PSMD11: variants seen among roughly 807,000 people sequenced by gnomAD.
The protein encoded by PSMD11 is proteasome 26S subunit, non-ATPase 11.
PSMD11 carries 5 observed loss-of-function variants against 62.3 expected under a neutral mutation model. The ratio of observed to expected loss-of-function variants is 0.08; its 90% CI spans 0.04 to 0.17. The LOEUF (loss-of-function observed/expected upper bound fraction) is 0.17. Ranked by LOEUF, PSMD11 falls within the 10% of genes least tolerant of loss-of-function variation. The probability of loss-of-function intolerance (pLI) is 1.00; values close to 1 mark genes in which losing one functional copy is unlikely to be tolerated. For synonymous variants in PSMD11, 191 were observed against 191.8 expected (o/e 1.00, Z 0.03); for missense variants, 310 against 512.9 (o/e 0.60, Z 3.82).
intron 10 of PSMD11, 84 bp from the exon 11 acceptor site, chr17:32,479,767 A>C: frequency 6.8e-7 from 1 of 1,462,110 alleles, no homozygotes; most frequent in Admixed American, 1.7e-5. Flanking sequence ...GAAATACAGC[A>C]GTTCTCCCCC....
chr17:32,475,772 G>A (rs887667637), intron 8 of PSMD11, among the ~76,000 whole-genome samples: 2 of 151,638 alleles, frequency 1.3e-5, no homozygotes, highest in South Asian at 4.2e-4. Context: ...CTAATTTTTT[G>A]TAGTAGAGAC....
At chr17:32,475,082 A>C (rs945582770) in intron 8 of PSMD11, among the ~76,000 whole-genome samples, 2 of 152,144 alleles carry the variant, frequency 1.3e-5, no homozygotes, top group Non-Finnish European at 2.9e-5. Context: ...ATTTGCAGTG[A>C]GTTAGTTTGC....
chr17:32,456,004 T>C (rs1464221892), intron 3 of PSMD11, among the ~76,000 whole-genome samples: 1 of 151,090 alleles, frequency 6.6e-6, no homozygotes, highest in African/African-American at 2.4e-5. Flanking sequence ...ATTAGCCAGG[T>C]GTGGTGGTGG....
chr17:32,478,289 G>A (rs1026753504), intron 9 of PSMD11, among the ~76,000 whole-genome samples: 12 of 152,230 alleles, frequency 7.9e-5, no homozygotes, highest in Non-Finnish European at 1.6e-4. Context: ...ACTAGACCAT[G>A]TGGCTTTGAC....
chr17:32,464,173 G>A, intron 4 of PSMD11, 53 bp downstream of exon 4: 1 of 1,487,402 alleles, frequency 6.7e-7, no homozygotes, highest in Non-Finnish European at 9.4e-7. Flanking sequence ...GACAGAGGGT[G>A]AATGTAAGCA....
intron 4 of PSMD11, 23 bp downstream of exon 4, chr17:32,464,143 T>C (rs766631271): frequency 1.9e-6 from 3 of 1,590,786 alleles, no homozygotes; most frequent in Middle Eastern, 1.7e-4. Flanking sequence ...TTAGTACTCA[T>C]TTCAGGTCTC....
At chr17:32,469,294 T>C (rs1179069463) in intron 6 of PSMD11, 101 bp downstream of exon 6, 1 of 1,280,960 alleles carries the variant, frequency 7.8e-7, no homozygotes, top group Non-Finnish European at 1.1e-6. Context: ...AATTGGCTGA[T>C]TTGGCTCTAG....
chr17:32,467,113 T>C (rs1047118230), intron 5 of PSMD11, among the ~76,000 whole-genome samples: 4 of 151,408 alleles, frequency 2.6e-5, no homozygotes, highest in African/African-American at 4.9e-5. Context: ...CTCGGCTAAT[T>C]TTTGTATTCT....
chr17:32,444,568 A>G lies in PSMD11; in HGVS notation c.45A>G (p.Leu15=). Residue 15 remains leucine, a synonymous_variant, in exon 1 of 14, where the codon CTA becomes CTG. Transcript: ENST00000261712. ...TGGAGTTCCAGAGAGCCCAGTCTCTACTCAGCACCGACCGGGAGGCCTCCA... is the reference window on the plus strand; with the variant it reads ...TGGAGTTCCAGAGAGCCCAGTCTCTGCTCAGCACCGACCGGGAGGCCTCCA... ...AVVEFQRAQS[L]LSTDREASID... 1 of 1,611,562 alleles carries G rather than the reference A, an allele frequency of 6.2e-7. No homozygotes were observed. Among genetic ancestry groups the G allele is most frequent in the Non-Finnish European group, 8.5e-7 (1 of 1,179,222 alleles).
rs1460493246 is a variant in PSMD11, at chr17:32,451,847, T to C, written c.194-2648T>C. ...TCGACCTCCTGGGCTCAAGCAGTGCTCTTGCCTCAGCCCGCCAAGTAACTG... is the reference window on the plus strand; with the variant it reads ...TCGACCTCCTGGGCTCAAGCAGTGCCCTTGCCTCAGCCCGCCAAGTAACTG... On this transcript the variant is annotated intron_variant, in intron 2 of 13. Transcript: ENST00000261712. Among the ~76,000 whole-genome samples, 8 of 152,110 alleles carry C rather than the reference T, an allele frequency of 5.3e-5. No homozygotes were observed. The East Asian group carries it at 1.5e-3, about 29-fold the overall frequency.
At chr17:32,477,784 A>C in intron 9 of PSMD11, 1 of 380,318 alleles carries the variant, frequency 2.6e-6, no homozygotes, top group Non-Finnish European at 4.6e-6. Flanking sequence ...TATAAAATAT[A>C]TATTATTTAT....
chr17:32,480,122 T>A, intron 11 of PSMD11, 24 bp from the exon 12 acceptor site: 1 of 1,610,884 alleles, frequency 6.2e-7, no homozygotes, highest in Non-Finnish European at 8.5e-7. Flanking sequence ...TACTGGTCCC[T>A]TTAATCATGT....
chr17:32,459,122 A>ATATATATG (rs1907740905), intron 3 of PSMD11, among the ~76,000 whole-genome samples: 1 of 141,452 alleles, frequency 7.1e-6, no homozygotes, highest in Admixed American at 7.0e-5. Context: ...ATACATATAT[A>ATATATATG]TATATATATA....
In PSMD11 at chr17:32,482,319, A is replaced by G. The variant is rs1346847553; in HGVS notation, c.*1567A>G. 1 of 152,072 alleles carries G rather than the reference A, an allele frequency of 6.6e-6. No homozygotes were observed. Among genetic ancestry groups the G allele is most frequent in the Non-Finnish European group, 1.5e-5 (1 of 68,016 alleles). 9.4% of individuals were successfully genotyped at this position (152,072 alleles called of 1,614,324 possible). A position where few individuals can be genotyped will look rare whatever the true frequency, so the allele number is the denominator to read the frequency against. ...ATGTACAAACGGTTCTTGCTAACCA[A>G]CACCAGGTATATCTGATGTTCAGAT... On this transcript the variant is annotated 3_prime_UTR_variant, in exon 14 of 14. Transcript: ENST00000261712.
rs1055698938 is a variant in PSMD11 at position 32,481,750 on chromosome 17, T to C, written c.*998T>C. The C allele has an allele frequency of 1.3e-5, 2 of 152,174 alleles. No individual in the cohort carries two copies. Among genetic ancestry groups the C allele is most frequent in the African/African-American group, 4.8e-5 (2 of 41,452 alleles). The allele number at this position is 152,174 out of a possible 1,614,324, so 9.4% of individuals were successfully genotyped here. A position where few individuals can be genotyped will look rare whatever the true frequency, so the allele number is the denominator to read the frequency against. Reference sequence around the variant, plus strand: ...CTCCTCTCCTACTTTCAGATGGATTTATTCCTTTTTTAAACAATGAACATC... The same window carrying C: ...CTCCTCTCCTACTTTCAGATGGATTCATTCCTTTTTTAAACAATGAACATC... On this transcript the variant is annotated 3_prime_UTR_variant, in exon 14 of 14. Coordinates refer to ENST00000261712, the MANE Select transcript of PSMD11 (RefSeq NM_002815.4).
rs920902697 is a variant in PSMD11 at position 32,461,843 on chromosome 17, C to T, written c.319-2206C>T. Among the ~76,000 whole-genome samples, 25 of 151,968 alleles carry T rather than the reference C, an allele frequency of 1.6e-4. No individual in the cohort carries two copies. The South Asian group carries it at 3.9e-3, about 24-fold the overall frequency. ...ATAGCTTGCTTTTATTTTAGTTTTT[C>T]GTTCTGTCTTATTTTTAGAAAATTT... On this transcript the variant is annotated intron_variant, in intron 3 of 13. Transcript: ENST00000261712.
At chr17:32,479,699 TGG>T in intron 10 of PSMD11, 150 bp from the exon 11 acceptor site, 1 of 864,524 alleles carries the variant, frequency 1.2e-6, no homozygotes, top group Non-Finnish European at 1.8e-6. Flanking sequence ...GGCAGGCAGA[TGG>T]GCAGAGAACA....
intron 10 of PSMD11, 140 bp downstream of exon 10, chr17:32,479,516 TGA>T: frequency 8.0e-7 from 1 of 1,255,266 alleles, no homozygotes; most frequent in South Asian, 1.5e-5. Context: ...GGGCCTCTGT[TGA>T]TAAAATGAAC....
chr17:32,453,979 A>G (rs1352785515), intron 2 of PSMD11, among the ~76,000 whole-genome samples: 1 of 152,236 alleles, frequency 6.6e-6, no homozygotes, highest in Non-Finnish European at 1.5e-5. Context: ...ACAATGCAGA[A>G]AGGCTAAACT....
Sources: gnomAD v4.1 joint callset for allele counts (sites outside exome capture counted in the v4.1 genomes callset) on GRCh38, gnomAD v4.1.1 for gene constraint, MANE v1.5 for transcripts, NCBI Gene and HGNC (gene_info 2026-07-23, HGNC 2026-07-21) for gene names.